Variants in MYO16 observed in about 807,000 individuals in gnomAD.
MYO16 encodes unconventional myosin-XVI.
A neutral mutation model predicts 205.3 loss-of-function variants in MYO16; 94 were observed. The ratio of observed to expected loss-of-function variants is 0.46; its 90% CI spans 0.39 to 0.54. The LOEUF (loss-of-function observed/expected upper bound fraction) is 0.54, where lower values mean the gene tolerates loss of function less well. Among genes scored for constraint, MYO16 ranks in the 20% least tolerant of loss-of-function variants. The pLI, the probability that MYO16 is intolerant of heterozygous loss-of-function variation, is 0.00. For synonymous variants in MYO16, 988 were observed against 954.0 expected (o/e 1.04, Z -0.66); for missense variants, 2,315 against 2,387.5 (o/e 0.97, Z 0.63).
intron 22 of MYO16, among the ~76,000 whole-genome samples, chr13:109,009,939 A>G (rs1297070555): frequency 6.6e-6 from 1 of 152,212 alleles, no homozygotes; most frequent in Non-Finnish European, 1.5e-5. Context: ...GCAGGACTGT[A>G]TACTTAATTG....
intron 16 of MYO16, among the ~76,000 whole-genome samples, chr13:108,936,821 G>A (rs1039711966): frequency 6.6e-6 from 1 of 152,094 alleles, no homozygotes; most frequent in African/African-American, 2.4e-5. Context: ...ATTTAAGAGT[G>A]TAAATTGTGT....
chr13:108,667,101 T>G (rs1168899774), intron 2 of MYO16, among the ~76,000 whole-genome samples: 2 of 152,214 alleles, frequency 1.3e-5, no homozygotes, highest in Non-Finnish European at 2.9e-5. Flanking sequence ...CTGACCTACT[T>G]ATGGTTTATA....
intron 28 of MYO16, among the ~76,000 whole-genome samples, chr13:109,105,958 T>C (rs1889111832): frequency 6.6e-6 from 1 of 152,224 alleles, no homozygotes; most frequent in Non-Finnish European, 1.5e-5. Flanking sequence ...AGGGAATCTT[T>C]CACGTTGGTG....
At chr13:108,636,900 T>C (rs1306760439) in intron 1 of MYO16, among the ~76,000 whole-genome samples, 1 of 152,178 alleles carries the variant, frequency 6.6e-6, no homozygotes, top group Non-Finnish European at 1.5e-5. Context: ...CACTATTTTA[T>C]AATAGTGTTC....
chr13:108,558,068 A>G, the MYO16 span, among the ~76,000 whole-genome samples: 9 of 152,242 alleles, frequency 5.9e-5, no homozygotes, highest in Admixed American at 2.0e-4. Flanking sequence ...TTAAAGAAAG[A>G]TTAAAAATTT....
chr13:108,954,250 A>G (rs761654666), intron 16 of MYO16, among the ~76,000 whole-genome samples: 5 of 152,210 alleles, frequency 3.3e-5, no homozygotes, highest in Admixed American at 6.5e-5. Flanking sequence ...ATTGTAAAAG[A>G]AATTTTTTTT....
rs575927269 is a variant in MYO16 at position 108,880,932 on chromosome 13, G to A, written c.1426-2127G>A. ...TTGGTAGCTTGATGAAGATGGCATTGAATCTATAAATTACCTTGGGCATGG... is the reference window on the plus strand; with the variant it reads ...TTGGTAGCTTGATGAAGATGGCATTAAATCTATAAATTACCTTGGGCATGG... On this transcript the variant is annotated intron_variant, in intron 12 of 34. Coordinates refer to ENST00000457511, the MANE Select transcript of MYO16 (RefSeq NM_001198950.3). 1.2e-4 allele frequency among the ~76,000 whole-genome samples: 19 copies of A among 152,262 alleles called. No homozygotes were observed. In the South Asian group the frequency reaches 3.9e-3, roughly 32 times the overall value.
chr13:108,670,657 G>A (rs7318496), intron 2 of MYO16, among the ~76,000 whole-genome samples: 1,907 of 152,250 alleles, frequency 0.013, 49 homozygotes, highest in African/African-American at 0.044. Context: ...CTACAAAGAA[G>A]GATCAAATGT....
At chr13:108,510,318 C>T in the MYO16 span, among the ~76,000 whole-genome samples, 5 of 151,746 alleles carry the variant, frequency 3.3e-5, no homozygotes, top group East Asian at 5.8e-4. Context: ...GGGGTTTCAC[C>T]GTGTTAGGCA....
chr13:108,620,810 C>T (rs1271934340), intron 1 of MYO16, among the ~76,000 whole-genome samples: 2 of 152,166 alleles, frequency 1.3e-5, no homozygotes, highest in Admixed American at 1.3e-4. Flanking sequence ...TTTATTTCTC[C>T]TGCTCCAATA....
At chr13:109,150,465 T>C (rs1594130199) in intron 32 of MYO16, among the ~76,000 whole-genome samples, 2 of 152,294 alleles carry the variant, frequency 1.3e-5, no homozygotes, top group East Asian at 1.9e-4. Flanking sequence ...ATTAAATATT[T>C]AGATCAATCT....
chr13:108,528,197 G>A, the MYO16 span, among the ~76,000 whole-genome samples: 1 of 152,188 alleles, frequency 6.6e-6, no homozygotes, highest in Middle Eastern at 3.2e-3. Flanking sequence ...ATTAGCACTT[G>A]TATTTACCAT....
chr13:108,551,106 T>G, the MYO16 span, among the ~76,000 whole-genome samples: 1 of 152,230 alleles, frequency 6.6e-6, no homozygotes, highest in African/African-American at 2.4e-5. Flanking sequence ...TGTACTTTTC[T>G]TAAATAGGGG....
chr13:109,054,752 C>T (rs1289351644), intron 25 of MYO16, among the ~76,000 whole-genome samples: 1 of 152,104 alleles, frequency 6.6e-6, no homozygotes, highest in East Asian at 1.9e-4. Flanking sequence ...CTGATTTGTA[C>T]GAACTGTGTT....
chr13:109,202,311 A>G (rs1466444263), intron 34 of MYO16, among the ~76,000 whole-genome samples: 7 of 152,190 alleles, frequency 4.6e-5, no homozygotes, highest in East Asian at 1.9e-4. Context: ...ACTAGTTTAC[A>G]TTCCCACCAG....
chr13:109,168,786 A>T (rs1168264189), intron 33 of MYO16, among the ~76,000 whole-genome samples: 1 of 152,168 alleles, frequency 6.6e-6, no homozygotes, highest in Admixed American at 6.6e-5. Context: ...ATCACAAAAT[A>T]AATTAAAAAG....
chr13:109,117,893 G>A lies in MYO16; in HGVS notation c.3439-2477G>A, dbSNP rs553900757. On this transcript the variant is annotated intron_variant, in intron 28 of 34. Coordinates refer to ENST00000457511, the MANE Select transcript of MYO16 (RefSeq NM_001198950.3). ...GATCTGGTCCTCTTTATATTTCCCA[G>A]CATATCCAAATTGCTCCCAGGAGAA... Among the ~76,000 whole-genome samples, 3 of 152,170 alleles carry A rather than the reference G, an allele frequency of 2.0e-5. No individual in the cohort carries two copies. The South Asian group carries it at 6.2e-4, about 32-fold the overall frequency.
intron 4 of MYO16, among the ~76,000 whole-genome samples, chr13:108,738,210 C>T (rs1440766625): frequency 2.0e-5 from 3 of 151,870 alleles, no homozygotes; most frequent in African/African-American, 7.3e-5. Flanking sequence ...TTCTCTAGTT[C>T]TTTTAATTGA....
At chr13:108,974,167 A>T (rs1303150607) in intron 20 of MYO16, among the ~76,000 whole-genome samples, 1 of 152,210 alleles carries the variant, frequency 6.6e-6, no homozygotes, top group African/African-American at 2.4e-5. Context: ...AGTTTTTAAT[A>T]TGTATAGGTG....
Sources: gnomAD v4.1 joint callset for allele counts (sites outside exome capture counted in the v4.1 genomes callset) on GRCh38, gnomAD v4.1.1 for gene constraint, MANE v1.5 for transcripts, NCBI Gene and HGNC (gene_info 2026-07-23, HGNC 2026-07-21) for gene names.